SETMAR: variants seen among roughly 807,000 people sequenced by gnomAD.
The protein encoded by SETMAR is SET and mariner transposase domain methyltransferase.
SETMAR carries 44 observed loss-of-function variants against 58.4 expected under a neutral mutation model. The observed-to-expected ratio is 0.75, with a 90% CI of 0.59 to 0.97. SETMAR has a LOEUF of 0.97. Among genes scored for constraint, SETMAR ranks in the 50% least tolerant of loss-of-function variants. The probability of loss-of-function intolerance (pLI) is 0.00; values close to 1 mark genes in which losing one functional copy is unlikely to be tolerated. For synonymous variants in SETMAR, 332 were observed against 307.4 expected (o/e 1.08, Z -0.84); for missense variants, 903 against 840.2 (o/e 1.07, Z -0.92).
At chr3:4,308,337 C>T (rs1474464988) in intron 1 of SETMAR, among the ~76,000 whole-genome samples, 3 of 152,188 alleles carry the variant, frequency 2.0e-5, no homozygotes, top group Non-Finnish European at 4.4e-5. Context: ...ATGCTAATCC[C>T]TAGAGTAAGC....
At position 4,303,531 on chromosome 3, in the gene SETMAR, G is replaced by C. The variant is rs1698039464; in HGVS notation, c.156+5G>C. 14 of 1,394,514 alleles carry C rather than the reference G, an allele frequency of 1.0e-5. No individual in the cohort carries two copies. Among genetic ancestry groups the C allele is most frequent in the Non-Finnish European group, 1.3e-5 (14 of 1,078,344 alleles). The allele number at this position is 1,394,514 out of a possible 1,614,324, so 86.4% of individuals were successfully genotyped here. On this transcript the variant is annotated splice_donor_5th_base_variant and intron_variant, in intron 1 of 2. Coordinates refer to ENST00000358065, the MANE Select transcript of SETMAR (RefSeq NM_006515.4). ...GCCGCGCCGGCGCCCTTCCAGGTAGGGGCGGGGCCAGGCGGCGCGGGAGGC... is the reference window on the plus strand; with the variant it reads ...GCCGCGCCGGCGCCCTTCCAGGTAGCGGCGGGGCCAGGCGGCGCGGGAGGC...
At position 4,313,382 on chromosome 3, in the gene SETMAR, A is replaced by T. The variant is rs913065211; in HGVS notation, c.641A>T (p.Tyr214Phe). The change falls in exon 2 of 3, where the codon TAT becomes TTT. Residue 214 changes from tyrosine to phenylalanine, a missense_variant. Coordinates refer to ENST00000358065, the MANE Select transcript of SETMAR (RefSeq NM_006515.4). ...ATGGAAACATTTGTTGACCCTACTT[A>T]TATAGGAAATATTGGAAGATTCCTT... is the stretch of plus-strand genomic sequence containing the variant. ...QVMETFVDPT[Y>F]IGNIGRFLNH... is the part of the protein sequence containing the mutation. 6 of 1,613,782 alleles carry T rather than the reference A, an allele frequency of 3.7e-6. No individual in the cohort carries two copies. In the African/African-American group the frequency reaches 8.0e-5, roughly 22 times the overall value.
Position 4,313,779 on chromosome 3 carries a change from T to C in SETMAR, c.1020+18T>C, listed in dbSNP as rs1395348574. 2.5e-6 allele frequency: 4 copies of C among 1,613,594 alleles called. No individual in the cohort carries two copies. Among genetic ancestry groups the C allele is most frequent in the Non-Finnish European group, 3.4e-6 (4 of 1,179,752 alleles). ...CCCTTGAGGTGAGTCTGTTCAGTGATAAGCAGCTTGCCCCTCCCTATAGTG... is the reference window on the plus strand; with the variant it reads ...CCCTTGAGGTGAGTCTGTTCAGTGACAAGCAGCTTGCCCCTCCCTATAGTG... On this transcript the variant is annotated intron_variant, in intron 2 of 2. Transcript: ENST00000358065.
Position 4,313,622 on chromosome 3 carries a change from G to T in SETMAR, c.881G>T (p.Cys294Phe), listed in dbSNP as rs1013352345. 1 of 1,614,066 alleles carries T rather than the reference G, an allele frequency of 6.2e-7. No individual in the cohort carries two copies. Among genetic ancestry groups the T allele is most frequent in the Non-Finnish European group, 8.5e-7 (1 of 1,179,970 alleles). The change falls in exon 2 of 3, where the codon TGT becomes TTT. Residue 294 changes from cysteine to phenylalanine, a missense_variant. Transcript: ENST00000358065. ...RKPCYCGAKS[C>F]TAFLPFDSSL... ...CCTTGTTACTGTGGTGCCAAATCAT[G>T]TACTGCTTTCCTGCCTTTTGACAGT...
At chr3:4,303,965 GTGGGCTCT>G in intron 1 of SETMAR, 1 of 835,738 alleles carries the variant, frequency 1.2e-6, no homozygotes, top group South Asian at 2.0e-5. Context: ...CCCTCACGCT[GTGGGCTCT>G]TGGGCGAGTG....
intron 1 of SETMAR, 45 bp downstream of exon 1, chr3:4,303,571 C>T (rs1355033846): frequency 8.2e-6 from 11 of 1,343,984 alleles, no homozygotes; most frequent in Admixed American, 4.2e-5. Context: ...GCGCGGCTCC[C>T]CCACGTGGTC....
At chr3:4,310,503 G>C (rs1223035297) in intron 1 of SETMAR, among the ~76,000 whole-genome samples, 2 of 152,058 alleles carry the variant, frequency 1.3e-5, no homozygotes, top group African/African-American at 4.8e-5. Context: ...ATCCATCACG[G>C]GGAAAAAATT....
chr3:4,303,621 C>G (rs1698045897), intron 1 of SETMAR, 95 bp downstream of exon 1: 7 of 1,387,180 alleles, frequency 5.0e-6, no homozygotes, highest in Non-Finnish European at 6.5e-6. Context: ...CCAGTCGCGA[C>G]CTTTTGTCTT....
At chr3:4,315,938 T>C (rs972443339) in intron 2 of SETMAR, among the ~76,000 whole-genome samples, 32 of 150,518 alleles carry the variant, frequency 2.1e-4, no homozygotes, top group African/African-American at 7.8e-4. Context: ...TCCCAGCTAC[T>C]CAGGAGGCTG....
chr3:4,313,327 A>G lies in SETMAR; in HGVS notation c.586A>G (p.Ile196Val). ...TKSDSNYIIA[I>V]REHVYNGQVM... ...ATCCGACTCCAATTACATTATAGCC[A>G]TCAGGGAACATGTTTATAATGGGCA... Residue 196 changes from isoleucine to valine, a missense_variant, in exon 2 of 3, where the codon ATC (isoleucine) becomes GTC (valine). Physicochemically the swap from Ile to Val is conservative, Grantham distance 29. Coordinates refer to ENST00000358065, the MANE Select transcript of SETMAR (RefSeq NM_006515.4). The G allele has an allele frequency of 1.2e-6, 2 of 1,614,076 alleles. No homozygotes were observed. Among genetic ancestry groups the G allele is most frequent in the Non-Finnish European group, 1.7e-6 (2 of 1,179,994 alleles).
intron 1 of SETMAR, among the ~76,000 whole-genome samples, chr3:4,305,504 C>G (rs1172164083): frequency 1.3e-5 from 2 of 152,188 alleles, no homozygotes; most frequent in East Asian, 3.9e-4. Flanking sequence ...TTGATTATCT[C>G]CTTGTTGTGG....
Position 4,317,066 on chromosome 3 carries a change from C to T in SETMAR, c.1875C>T (p.His625=), listed in dbSNP as rs766759932. ...CTGACCTCTTGCCAACCAACTACCACGTCTTTAAGCATCTCAACAACTTTT... is the reference window on the plus strand; with the variant it reads ...CTGACCTCTTGCCAACCAACTACCATGTCTTTAAGCATCTCAACAACTTTT... ...YSPDLLPTNY[H]VFKHLNNFLQ... Residue 625 remains histidine (H), a synonymous_variant, in exon 3 of 3, where the codon CAC becomes CAT. Transcript: ENST00000358065. 37 of 1,549,114 alleles carry T rather than the reference C, an allele frequency of 2.4e-5. No individual in the cohort carries two copies. The African/African-American group carries it at 2.5e-4, about 10-fold the overall frequency.
chr3:4,307,171 G>A (rs1698221473), intron 1 of SETMAR, among the ~76,000 whole-genome samples: 1 of 152,192 alleles, frequency 6.6e-6, no homozygotes, highest in Admixed American at 6.5e-5. Flanking sequence ...CAGAGGCCCA[G>A]GTTTTAAGCC....
At chr3:4,305,292 C>T (rs924828408) in intron 1 of SETMAR, among the ~76,000 whole-genome samples, 1 of 151,936 alleles carries the variant, frequency 6.6e-6, no homozygotes, top group African/African-American at 2.4e-5. Flanking sequence ...TACCATGTTG[C>T]CCAGGCTGGT....
chr3:4,308,472 C>A (rs1214428865), intron 1 of SETMAR, among the ~76,000 whole-genome samples: 2 of 152,166 alleles, frequency 1.3e-5, no homozygotes, highest in Non-Finnish European at 2.9e-5. Flanking sequence ...AAAGTAATAT[C>A]TAGAAGAATT....
chr3:4,313,739 C>A lies in SETMAR; in HGVS notation c.998C>A (p.Ser333Tyr), dbSNP rs775670266. Residue 333 changes from serine to tyrosine, a missense_variant, in exon 2 of 3, where the codon TCC (serine) becomes TAC (tyrosine). Coordinates refer to ENST00000358065, the MANE Select transcript of SETMAR (RefSeq NM_006515.4). ...GGCTCAGCCCCTTCTGTGTTCCCCT[C>A]CTGCAAGCGATTGACCCTTGAGGTG... ...MCGSAPSVFP[S>Y]CKRLTLETMK... is the part of the protein sequence containing the mutation. 1.9e-6 allele frequency: 3 copies of A among 1,614,012 alleles called. No individual in the cohort carries two copies. Among genetic ancestry groups the A allele is most frequent in the Non-Finnish European group, 2.5e-6 (3 of 1,179,946 alleles).
At chr3:4,311,451 C>G (rs980772651) in intron 1 of SETMAR, among the ~76,000 whole-genome samples, 2 of 152,182 alleles carry the variant, frequency 1.3e-5, no homozygotes, top group African/African-American at 4.8e-5. Context: ...GTTGTGGGAT[C>G]CCAGCAGCCT....
chr3:4,312,450 A>C lies in SETMAR; in HGVS notation c.157-448A>C. Among the ~76,000 whole-genome samples, 7 of 152,210 alleles carry C rather than the reference A, an allele frequency of 4.6e-5. 1 individual carries two copies. The highest frequency in any genetic ancestry group is 6.8e-3 in the Middle Eastern group (2 of 294). On this transcript the variant is annotated intron_variant, in intron 1 of 2. Coordinates refer to ENST00000358065, the MANE Select transcript of SETMAR (RefSeq NM_006515.4). Reference sequence around the variant, plus strand: ...TATACATACATAATAATACATATATATGTCCTTATGTGTACCTATATATAA... The same window carrying C: ...TATACATACATAATAATACATATATCTGTCCTTATGTGTACCTATATATAA...
At chr3:4,316,125 TGTG>T (rs896500586) in intron 2 of SETMAR, 84 bp from the exon 3 acceptor site, 3 of 570,178 alleles carry the variant, frequency 5.3e-6, no homozygotes, top group Non-Finnish European at 6.3e-6. Context: ...CATTCTTAAA[TGTG>T]GTCATGTTAT....
Sources: allele counts gnomAD v4.1 joint callset (sites outside exome capture counted in the v4.1 genomes callset), GRCh38; gene constraint gnomAD v4.1.1; transcripts MANE v1.5; gene names NCBI Gene and HGNC (gene_info 2026-07-23, HGNC 2026-07-21).